GALNT18: variants seen among roughly 807,000 people sequenced by gnomAD.
The protein encoded by GALNT18 is GalNAc-transferase 18.
GALNT18 carries 44 observed loss-of-function variants against 69.5 expected under a neutral mutation model. The ratio of observed to expected loss-of-function variants is 0.63; its 90% CI spans 0.50 to 0.81. GALNT18 has a LOEUF of 0.81. Ranked by LOEUF, GALNT18 falls within the 40% of genes least tolerant of loss-of-function variation. The pLI is 0.00. For missense variants in GALNT18, 715 were observed against 810.0 expected (o/e 0.88, Z 1.42); for synonymous variants, 364 against 318.2 (o/e 1.14, Z -1.53).
intron 5 of GALNT18, among the ~76,000 whole-genome samples, chr11:11,374,414 T>C (rs1387632219): frequency 6.6e-6 from 1 of 152,260 alleles, no homozygotes; most frequent in Admixed American, 6.5e-5. Flanking sequence ...AATTGTGCAC[T>C]AAGTCTAGAA....
chr11:11,361,030 A>G (rs1001771264), intron 6 of GALNT18, among the ~76,000 whole-genome samples: 3 of 152,236 alleles, frequency 2.0e-5, no homozygotes, highest in Admixed American at 2.0e-4. Flanking sequence ...GACTTTTTCT[A>G]CAATCTGAGA....
chr11:11,552,592 G>T (rs921464206), intron 1 of GALNT18, among the ~76,000 whole-genome samples: 2 of 152,148 alleles, frequency 1.3e-5, no homozygotes, highest in Non-Finnish European at 2.9e-5. Context: ...CTCAGCCTCA[G>T]AGTTGGAATT....
intron 1 of GALNT18, among the ~76,000 whole-genome samples, chr11:11,575,388 T>C (rs1258213147): frequency 6.6e-6 from 1 of 152,154 alleles, no homozygotes; most frequent in African/African-American, 2.4e-5. Flanking sequence ...GTAGGCCCAC[T>C]AAAGCTTTTC....
In GALNT18 at chr11:11,315,064, A is replaced by G. The variant is rs9737079; in HGVS notation, c.1512+12022T>C. On this transcript the variant is annotated intron_variant, in intron 9 of 10. Coordinates refer to ENST00000227756, the MANE Select transcript of GALNT18 (RefSeq NM_198516.3). The surrounding 1 kb of genome is among the most constrained non-coding windows in gnomAD (Gnocchi z 5.6). ...TGTGTGTGTGTGTGTGTGTGTGTGT[A>G]TGTGTGTATATATGTGTACATACAG... Among the ~76,000 whole-genome samples, 35 of 130,254 alleles carry G rather than the reference A, an allele frequency of 2.7e-4. No individual in the cohort carries two copies. In the East Asian group the frequency reaches 3.8e-3, roughly 14 times the overall value. The allele number at this position is 130,254 out of a possible 152,430, so 85.5% of individuals were successfully genotyped here. A position where few individuals can be genotyped will look rare whatever the true frequency, so the allele number is the denominator to read the frequency against.
At chr11:11,367,340 T>C (rs1850795609) in intron 6 of GALNT18, among the ~76,000 whole-genome samples, 1 of 152,198 alleles carries the variant, frequency 6.6e-6, no homozygotes, top group Non-Finnish European at 1.5e-5. Flanking sequence ...AGGCAAATGA[T>C]TACGAATATC....
In GALNT18 at chr11:11,406,506, T is replaced by C. The variant is rs1054764358; in HGVS notation, c.595+26115A>G. ...AAACGCTGATATTTCCAGCCCCCTG[T>C]CCATCTCCAAAGTCGCTTGCAGAAA... On this transcript the variant is annotated intron_variant, in intron 3 of 10. Coordinates refer to ENST00000227756, the MANE Select transcript of GALNT18 (RefSeq NM_198516.3). Among the ~76,000 whole-genome samples the C allele has an allele frequency of 2.0e-5, 3 of 152,228 alleles. No individual in the cohort carries two copies. In the East Asian group the frequency reaches 5.8e-4, roughly 29 times the overall value.
At chr11:11,492,578 T>C (rs12419401) in intron 1 of GALNT18, among the ~76,000 whole-genome samples, 35,085 of 152,178 alleles carry the variant, frequency 0.23, 4,247 homozygotes, top group Middle Eastern at 0.31. Context: ...TAAAAAAGAA[T>C]GAGTTCATGT....
In GALNT18 at chr11:11,602,988, T is replaced by C. The variant is rs1859668190; in HGVS notation, c.235+18371A>G. Reference sequence around the variant, plus strand: ...GGAAAATAGATCAGAATATTTAAAATTGGGTTGTCCCATATAACCTGAGAA... The same window carrying C: ...GGAAAATAGATCAGAATATTTAAAACTGGGTTGTCCCATATAACCTGAGAA... On this transcript the variant is annotated intron_variant, in intron 1 of 10. Coordinates refer to ENST00000227756, the MANE Select transcript of GALNT18 (RefSeq NM_198516.3). This position sits in a 1 kb window ranked among gnomAD's most constrained non-coding sequence, Gnocchi z 4.7. Among the ~76,000 whole-genome samples the C allele has an allele frequency of 6.6e-6, 1 of 152,240 alleles. No individual in the cohort carries two copies. Among genetic ancestry groups the C allele is most frequent in the Non-Finnish European group, 1.5e-5 (1 of 68,042 alleles).
In GALNT18 at chr11:11,377,217, G is replaced by T; in HGVS notation, c.942C>A (p.Ala314=). Residue 314 remains alanine, a synonymous_variant, in exon 5 of 11, where the codon GCC becomes GCA. Transcript: ENST00000227756. The surrounding 1 kb of genome is among the most constrained non-coding windows in gnomAD (Gnocchi z 4.6). Reference sequence around the variant, plus strand: ...CTGTGGAGTTCTCCAGCTTCCACCAGGCCTTGGGGGGATTTAGGTAGCGGC... The same window carrying T: ...CTGTGGAGTTCTCCAGCTTCCACCATGCCTTGGGGGGATTTAGGTAGCGGC... The part of the protein sequence containing the change: ...LWCRYLNPPK[A]WWKLENSTAP... 6.2e-7 allele frequency: 1 copy of T among 1,613,570 alleles called. No individual in the cohort carries two copies. The highest frequency in any genetic ancestry group is 1.1e-5 in the South Asian group (1 of 91,030).
At chr11:11,399,299 T>C (rs988148130) in intron 3 of GALNT18, among the ~76,000 whole-genome samples, 3 of 152,154 alleles carry the variant, frequency 2.0e-5, no homozygotes, top group Admixed American at 2.0e-4. Flanking sequence ...AACAGATGTC[T>C]GTTGTTAAGC....
chr11:11,345,494 G>A (rs1850286363), intron 6 of GALNT18, among the ~76,000 whole-genome samples: 1 of 152,206 alleles, frequency 6.6e-6, no homozygotes, highest in Non-Finnish European at 1.5e-5. Context: ...ACCTCATGGT[G>A]AATGACATCA....
intron 1 of GALNT18, among the ~76,000 whole-genome samples, chr11:11,457,475 G>A (rs973188780): frequency 6.6e-6 from 1 of 152,220 alleles, no homozygotes; most frequent in Admixed American, 6.5e-5. Flanking sequence ...TCCTTGGATT[G>A]GAGGACAAGG....
intron 10 of GALNT18, among the ~76,000 whole-genome samples, chr11:11,274,604 G>C (rs542878879): frequency 6.6e-6 from 1 of 152,302 alleles, no homozygotes; most frequent in South Asian, 2.1e-4. Flanking sequence ...AGAATGTGCA[G>C]TTTTGTTACA....
rs561032123 is a variant in GALNT18, at chr11:11,540,037, G to A, written c.235+81322C>T. Among the ~76,000 whole-genome samples, 77 of 152,306 alleles carry A rather than the reference G, an allele frequency of 5.1e-4. No individual in the cohort carries two copies. Among genetic ancestry groups the A allele is most frequent in the African/African-American group, 1.8e-3 (74 of 41,570 alleles). On this transcript the variant is annotated intron_variant, in intron 1 of 10. Transcript: ENST00000227756. The surrounding 1 kb of genome is among the most constrained non-coding windows in gnomAD (Gnocchi z 4.6). The stretch of plus-strand genomic sequence containing the variant: ...GCACAGGGGACCCCGATGCCAGTCC[G>A]GCACTTGCAGCCTGGCCTCTGGGCT...
At chr11:11,536,737 T>C (rs1373194555) in intron 1 of GALNT18, among the ~76,000 whole-genome samples, 1 of 152,074 alleles carries the variant, frequency 6.6e-6, no homozygotes, top group Non-Finnish European at 1.5e-5. Context: ...ACTTACAGAC[T>C]CTGCTAATTG....
intron 9 of GALNT18, among the ~76,000 whole-genome samples, chr11:11,294,674 A>T (rs1232505562): frequency 6.6e-6 from 1 of 151,650 alleles, no homozygotes; most frequent in South Asian, 2.1e-4. Flanking sequence ...CAAAAGTAGG[A>T]GTCTCCCATG....
chr11:11,318,328 G>T lies in GALNT18; in HGVS notation c.1512+8758C>A, dbSNP rs917818874. 5.9e-5 allele frequency among the ~76,000 whole-genome samples: 9 copies of T among 152,128 alleles called. No individual in the cohort carries two copies. Among genetic ancestry groups the T allele is most frequent in the Admixed American group, 5.9e-4 (9 of 15,282 alleles). On this transcript the variant is annotated intron_variant, in intron 9 of 10. Coordinates refer to ENST00000227756, the MANE Select transcript of GALNT18 (RefSeq NM_198516.3). This position sits in a 1 kb window ranked among gnomAD's most constrained non-coding sequence, Gnocchi z 5.1. ...GCAGATATAATTAAATTTGCATGAG[G>T]TCACACAGAAGTAGAATGGACCCTT... is the stretch of plus-strand genomic sequence containing the variant.
chr11:11,273,642 C>T (rs952616319), intron 10 of GALNT18, among the ~76,000 whole-genome samples: 1 of 151,994 alleles, frequency 6.6e-6, no homozygotes, highest in Admixed American at 6.5e-5. Context: ...GGAGGTTCCT[C>T]AAAAAACTGA....
intron 9 of GALNT18, among the ~76,000 whole-genome samples, chr11:11,299,371 C>T (rs989174043): frequency 6.6e-6 from 1 of 152,172 alleles, no homozygotes; most frequent in African/African-American, 2.4e-5. Flanking sequence ...GTCTCGAACT[C>T]CTGACCTCAG....
Sources: allele counts gnomAD v4.1 joint callset (sites outside exome capture counted in the v4.1 genomes callset), GRCh38; gene constraint gnomAD v4.1.1; non-coding constraint Gnocchi (gnomAD v3.1); transcripts MANE v1.5; gene names NCBI Gene and HGNC (gene_info 2026-07-23, HGNC 2026-07-21).